FGF12: variants seen among roughly 807,000 people sequenced by gnomAD.
FGF12 encodes the protein fibroblast growth factor 12.
Under a neutral mutation model 23.6 loss-of-function variants are expected in FGF12, and 14 were observed. The ratio of observed to expected loss-of-function variants is 0.59; its 90% CI spans 0.39 to 0.93. The LOEUF (loss-of-function observed/expected upper bound fraction) is 0.93. FGF12 is among the 40% of genes least tolerant of loss of function. The pLI is 0.00. For synonymous variants in FGF12, 62 were observed against 77.3 expected, an observed-to-expected ratio of 0.80 and a Z score of 1.04; for missense variants, 175 against 217.8, an observed-to-expected ratio of 0.80 and a Z score of 1.24.
intron 4 of FGF12, among the ~76,000 whole-genome samples, chr3:192,266,073 C>A (rs951290501): frequency 2.0e-5 from 3 of 152,126 alleles, no homozygotes; most frequent in African/African-American, 7.2e-5. Context: ...CACCTTTTCT[C>A]CTCCTCTATC....
In FGF12 at chr3:192,472,563, G is replaced by A. The variant is rs563006359; in HGVS notation, c.14-112025C>T. 5.3e-5 allele frequency among the ~76,000 whole-genome samples: 8 copies of A among 151,776 alleles called. No homozygotes were observed. In the South Asian group the frequency reaches 1.7e-3, roughly 32 times the overall value. On this transcript the variant is annotated intron_variant, in intron 2 of 5. Transcript: ENST00000445105. ...AGGTTCCCCCAAAGCCCACATTCCAGGGCCTCCAAAGACTCACAACACCCT... is the reference window on the plus strand; with the variant it reads ...AGGTTCCCCCAAAGCCCACATTCCAAGGCCTCCAAAGACTCACAACACCCT...
chr3:192,381,986 G>GA (rs1365890251), intron 2 of FGF12, among the ~76,000 whole-genome samples: 1 of 151,440 alleles, frequency 6.6e-6, no homozygotes, highest in Non-Finnish European at 1.5e-5. Context: ...ATGTAGACTA[G>GA]CATAACACTT....
intron 2 of FGF12, among the ~76,000 whole-genome samples, chr3:192,363,144 C>T (rs144525685): frequency 1.2e-3 from 188 of 151,038 alleles, no homozygotes; most frequent in African/African-American, 3.9e-3. Context: ...ATGTAAATGA[C>T]GAGTTAATGG....
At chr3:192,428,129 C>A (rs781183429) in intron 2 of FGF12, among the ~76,000 whole-genome samples, 8 of 152,162 alleles carry the variant, frequency 5.3e-5, no homozygotes, top group Non-Finnish European at 8.8e-5. Flanking sequence ...AACAGGATCC[C>A]CCTCCGCCAC....
chr3:192,327,594 T>C (rs1716887243), intron 4 of FGF12, among the ~76,000 whole-genome samples: 1 of 114,222 alleles, frequency 8.8e-6, no homozygotes, highest in African/African-American at 3.2e-5. Flanking sequence ...TTATAACCAA[T>C]ATTAACCACT....
At chr3:192,296,332 C>T (rs6444630) in intron 4 of FGF12, among the ~76,000 whole-genome samples, 53,007 of 151,132 alleles carry the variant, frequency 0.35, 10,392 homozygotes, top group East Asian at 0.87. Context: ...CAAGTGGTCC[C>T]CCCACCTCAG....
At chr3:192,636,259 T>A (rs1715578745) in intron 2 of FGF12, among the ~76,000 whole-genome samples, 1 of 152,252 alleles carries the variant, frequency 6.6e-6, no homozygotes, top group Non-Finnish European at 1.5e-5. Context: ...AGCTACCCTG[T>A]TCTATGTGGT....
chr3:192,380,347 T>C (rs1719763509), intron 2 of FGF12, among the ~76,000 whole-genome samples: 1 of 152,214 alleles, frequency 6.6e-6, no homozygotes, highest in Non-Finnish European at 1.5e-5. Context: ...TAATTTATGG[T>C]TGATTTCAAC....
chr3:192,475,346 C>A (rs990316068), intron 2 of FGF12, among the ~76,000 whole-genome samples: 2 of 152,122 alleles, frequency 1.3e-5, no homozygotes, highest in African/African-American at 2.4e-5. Flanking sequence ...CCAAGGAAGA[C>A]CTTTCCCCCT....
chr3:192,177,030 T>C (rs141619468), intron 4 of FGF12, among the ~76,000 whole-genome samples: 2 of 152,234 alleles, frequency 1.3e-5, no homozygotes, highest in Non-Finnish European at 2.9e-5. Context: ...AGAATAATTA[T>C]GTCAAGACAT....
intron 2 of FGF12, among the ~76,000 whole-genome samples, chr3:192,398,840 C>T (rs1720637355): frequency 6.6e-6 from 1 of 152,172 alleles, no homozygotes. Flanking sequence ...CTTTGCAGGA[C>T]CTCAGCATCC....
chr3:192,535,920 A>T (rs1237226444), intron 2 of FGF12, among the ~76,000 whole-genome samples: 1 of 152,242 alleles, frequency 6.6e-6, no homozygotes, highest in Non-Finnish European at 1.5e-5. Flanking sequence ...ACCTGAAAGA[A>T]GATGCAAAGA....
chr3:192,652,389 G>A (rs1716246182), intron 2 of FGF12, among the ~76,000 whole-genome samples: 1 of 152,186 alleles, frequency 6.6e-6, no homozygotes, highest in Non-Finnish European at 1.5e-5. Flanking sequence ...GCTCACCCAG[G>A]AAGGTAGTTC....
chr3:192,232,919 T>C (rs1457971419), intron 4 of FGF12, among the ~76,000 whole-genome samples: 2 of 152,216 alleles, frequency 1.3e-5, no homozygotes, highest in African/African-American at 2.4e-5. Context: ...TTCCACGACG[T>C]ACATGTGCCA....
intron 2 of FGF12, among the ~76,000 whole-genome samples, chr3:192,559,475 G>A (rs1304571311): frequency 2.6e-5 from 4 of 151,842 alleles, no homozygotes; most frequent in Admixed American, 6.6e-5. Flanking sequence ...AATTCTGTGC[G>A]ATGCTATGAT....
At chr3:192,196,879 A>G (rs1188053743) in intron 4 of FGF12, among the ~76,000 whole-genome samples, 4 of 152,114 alleles carry the variant, frequency 2.6e-5, no homozygotes, top group African/African-American at 9.7e-5. Flanking sequence ...TCAGCAAGAA[A>G]TCAACTAAGC....
intron 2 of FGF12, among the ~76,000 whole-genome samples, chr3:192,648,395 A>G (rs1264293606): frequency 6.6e-6 from 1 of 152,064 alleles, no homozygotes; most frequent in Non-Finnish European, 1.5e-5. Flanking sequence ...GCACTGAGAT[A>G]CATCTATATA....
intron 2 of FGF12, among the ~76,000 whole-genome samples, chr3:192,467,349 C>T (rs959701097): frequency 4.6e-5 from 7 of 152,134 alleles, no homozygotes; most frequent in African/African-American, 1.2e-4. Flanking sequence ...TGAGGGATCT[C>T]CCACCTCCTT....
intron 2 of FGF12, among the ~76,000 whole-genome samples, chr3:192,378,487 T>C (rs1215590926): frequency 6.6e-6 from 1 of 152,196 alleles, no homozygotes; most frequent in Non-Finnish European, 1.5e-5. Context: ...GAAATTTAAA[T>C]AGGTAAACCT....
Sources: gnomAD v4.1 joint callset for allele counts (sites outside exome capture counted in the v4.1 genomes callset) on GRCh38, gnomAD v4.1.1 for gene constraint, MANE v1.5 for transcripts, NCBI Gene and HGNC (gene_info 2026-07-23, HGNC 2026-07-21) for gene names.